Variants in CTNNA3 observed in about 807,000 individuals in gnomAD.
The protein encoded by CTNNA3 is catenin alpha 3, also known as catenin alpha-3.
Under a neutral mutation model 95.7 loss-of-function variants are expected in CTNNA3, and 76 were observed. The observed-to-expected ratio is 0.79, with a 90% confidence interval of 0.66 to 0.96. The LOEUF (loss-of-function observed/expected upper bound fraction) is 0.96. Among genes scored for constraint, CTNNA3 ranks in the 40% least tolerant of loss-of-function variants. CTNNA3 has a pLI of 0.00. For missense variants in CTNNA3, 1,191 were observed against 1,089.8 expected (o/e 1.09, Z -1.31); for synonymous variants, 431 against 374.4 (o/e 1.15, Z -1.74).
chr10:66,741,157 A>G (rs947325745), intron 9 of CTNNA3, among the ~76,000 whole-genome samples: 2 of 152,210 alleles, frequency 1.3e-5, no homozygotes, highest in Admixed American at 6.5e-5. Context: ...AGATTTCAGA[A>G]GTGAAAGCAA....
intron 5 of CTNNA3, among the ~76,000 whole-genome samples, chr10:67,463,037 G>A (rs1054453414): frequency 3.9e-5 from 4 of 102,606 alleles, no homozygotes; most frequent in African/African-American, 6.0e-5. Context: ...CCTGAGTAGC[G>A]GGGTTACAGG....
intron 7 of CTNNA3, among the ~76,000 whole-genome samples, chr10:66,795,405 AG>A (rs973284118): frequency 2.0e-5 from 3 of 152,152 alleles, no homozygotes; most frequent in African/African-American, 7.2e-5. Flanking sequence ...TAATTTGAAA[AG>A]GAATCCTTTT....
intron 7 of CTNNA3, among the ~76,000 whole-genome samples, chr10:66,794,904 A>T (rs2132215600): frequency 6.6e-6 from 1 of 152,206 alleles, no homozygotes; most frequent in South Asian, 2.1e-4. Flanking sequence ...TTGTTCATTC[A>T]TGAGAAGCAA....
intron 4 of CTNNA3, among the ~76,000 whole-genome samples, chr10:67,536,869 G>A (rs746454892): frequency 2.0e-5 from 3 of 152,042 alleles, no homozygotes; most frequent in Non-Finnish European, 4.4e-5. Context: ...GAAATGTTGG[G>A]CTAAATAATT....
intron 7 of CTNNA3, among the ~76,000 whole-genome samples, chr10:66,845,257 A>G (rs1843203078): frequency 6.6e-6 from 1 of 152,216 alleles, no homozygotes; most frequent in South Asian, 2.1e-4. Flanking sequence ...AAACGTGACC[A>G]ACAGGTACAT....
chr10:66,825,271 A>G (rs1200897148), intron 7 of CTNNA3, among the ~76,000 whole-genome samples: 1 of 134,818 alleles, frequency 7.4e-6, no homozygotes, highest in Admixed American at 8.8e-5. Context: ...GTATATATAC[A>G]TATATATATA....
At chr10:66,516,833 G>A (rs375851445) in intron 11 of CTNNA3, among the ~76,000 whole-genome samples, 111 of 152,226 alleles carry the variant, frequency 7.3e-4, no homozygotes, top group Admixed American at 1.2e-3. Flanking sequence ...TTCTTTTTCC[G>A]TTTTAAATTG....
chr10:67,700,571 T>A (rs1841028770), upstream of CTNNA3, among the ~76,000 whole-genome samples: 1 of 152,192 alleles, frequency 6.6e-6, no homozygotes, highest in Admixed American at 6.5e-5. Context: ...GGGTCCTGAA[T>A]GTTAGAAGGA....
intron 7 of CTNNA3, among the ~76,000 whole-genome samples, chr10:66,958,308 C>CAAAAAAAAAAAAA (rs35076056): frequency 1.2e-5 from 1 of 86,946 alleles, no homozygotes; most frequent in African/African-American, 4.1e-5. Flanking sequence ...TGCTTTCTTG[C>CAAAAAAAAAAAAA]AAAAAAAAAA....
chr10:66,360,951 CTCTT>C (rs2092669599), intron 12 of CTNNA3, among the ~76,000 whole-genome samples: 2 of 145,166 alleles, frequency 1.4e-5, no homozygotes, highest in Admixed American at 1.4e-4. Flanking sequence ...CTCTGTCTCT[CTCTT>C]TCTTTCTATT....
chr10:67,743,364 T>C lies in CTNNA3; in HGVS notation c.-2+20070A>G, dbSNP rs1197717874. 2.0e-5 allele frequency among the ~76,000 whole-genome samples: 3 copies of C among 151,234 alleles called. 1 individual carries two copies. The highest frequency in any genetic ancestry group is 1.3e-4 in the Admixed American group (2 of 15,112). On this transcript the variant is annotated intron_variant, in intron 1 of 17. Coordinates refer to the CTNNA3 transcript ENST00000684154. The stretch of plus-strand genomic sequence containing the variant: ...GGTTCAACATACGCAAATCAATAAA[T>C]GTAATCCAGCATATAAACAGAACCA...
At chr10:66,023,063 C>T (rs955448919) in intron 15 of CTNNA3, among the ~76,000 whole-genome samples, 8 of 147,902 alleles carry the variant, frequency 5.4e-5, no homozygotes, top group Non-Finnish European at 1.2e-4. Context: ...TGCTAGAATT[C>T]GAACACCTCA....
At chr10:66,742,968 T>C (rs1849377358) in intron 9 of CTNNA3, among the ~76,000 whole-genome samples, 1 of 152,100 alleles carries the variant, frequency 6.6e-6, no homozygotes, top group African/African-American at 2.4e-5. Flanking sequence ...TTATACATGA[T>C]TTTTTTTGAA....
chr10:67,700,024 G>C (rs1841023107), upstream of CTNNA3, among the ~76,000 whole-genome samples: 1 of 152,236 alleles, frequency 6.6e-6, no homozygotes, highest in Non-Finnish European at 1.5e-5. Context: ...CTGATTGCTA[G>C]CACAGCAGTC....
At chr10:67,759,718 T>G (rs1025500996) in intron 1 of CTNNA3, among the ~76,000 whole-genome samples, 2 of 152,176 alleles carry the variant, frequency 1.3e-5, no homozygotes, top group African/African-American at 4.8e-5. Flanking sequence ...AGAGGAATTA[T>G]CGTGCTGACC....
At chr10:67,061,401 T>C (rs1485345123) in intron 7 of CTNNA3, among the ~76,000 whole-genome samples, 2 of 152,180 alleles carry the variant, frequency 1.3e-5, no homozygotes, top group Non-Finnish European at 2.9e-5. Flanking sequence ...TTTTTAGATG[T>C]GGTATCAGAG....
intron 10 of CTNNA3, among the ~76,000 whole-genome samples, chr10:66,529,426 C>G (rs1841381458): frequency 6.7e-6 from 1 of 149,414 alleles, no homozygotes; most frequent in Admixed American, 6.8e-5. Context: ...GCCACCGAGC[C>G]CAGCCAAACA....
chr10:67,681,298 T>C (rs1840621539), intron 1 of CTNNA3, among the ~76,000 whole-genome samples: 1 of 152,126 alleles, frequency 6.6e-6, no homozygotes, highest in Non-Finnish European at 1.5e-5. Flanking sequence ...TGAAGTTATT[T>C]TAAAAGTAGG....
At chr10:66,118,773 A>G (rs2082445616) in intron 13 of CTNNA3, among the ~76,000 whole-genome samples, 1 of 152,214 alleles carries the variant, frequency 6.6e-6, no homozygotes, top group Non-Finnish European at 1.5e-5. Flanking sequence ...GATCACTGTT[A>G]TCAATGTGGC....
Sources: allele counts gnomAD v4.1 joint callset (sites outside exome capture counted in the v4.1 genomes callset), GRCh38; gene constraint gnomAD v4.1.1; transcripts MANE v1.5; gene names NCBI Gene and HGNC (gene_info 2026-07-23, HGNC 2026-07-21).